Variants in ZCCHC7 observed in about 807,000 individuals in gnomAD.
ZCCHC7 encodes the protein zinc finger CCHC domain-containing protein 7.
ZCCHC7 carries 35 observed loss-of-function variants against 52.0 expected under a neutral mutation model. That is an observed-to-expected ratio of 0.67 (90% CI 0.51 to 0.89). The LOEUF is 0.89. Ranked by LOEUF, ZCCHC7 falls within the 40% of genes least tolerant of loss-of-function variation. The pLI is 0.00. For missense variants in ZCCHC7, 574 were observed against 649.1 expected (o/e 0.88, Z 1.26); for synonymous variants, 217 against 221.5 (o/e 0.98, Z 0.18).
intron 7 of ZCCHC7, among the ~76,000 whole-genome samples, chr9:37,352,511 C>CTTTTTTTTTTTTTTTTTTTTTTTTTTT (rs869266535): frequency 9.8e-5 from 8 of 81,576 alleles, no homozygotes; most frequent in African/African-American, 4.5e-4. Flanking sequence ...ACAATTTGCT[C>CTTTTTTTTTTTTTTTTTTTTTTTTTTT]TTTTTTTTTT....
intron 2 of ZCCHC7, among the ~76,000 whole-genome samples, chr9:37,276,064 C>T (rs545148098): frequency 6.6e-6 from 1 of 152,260 alleles, no homozygotes; most frequent in Admixed American, 6.5e-5. Flanking sequence ...ATTCTTAATT[C>T]TGTTTTGGTA....
At chr9:37,327,713 C>G in intron 5 of ZCCHC7, 86 bp from the exon 6 acceptor site, 1 of 1,420,782 alleles carries the variant, frequency 7.0e-7, no homozygotes, top group Non-Finnish European at 9.9e-7. Flanking sequence ...TGACCGACAC[C>G]GGTGGATGCT....
rs138457663 is a variant in ZCCHC7, at chr9:37,126,785, G to A, written c.453G>A (p.Glu151=). The A allele has an allele frequency of 2.2e-4, 355 of 1,614,038 alleles. No individual in the cohort carries two copies. The highest frequency in any genetic ancestry group is 2.6e-4 in the Non-Finnish European group (311 of 1,180,022). ...AAGAGAGATCAGGTGTAATCCGAGAGGTCATGATTATAGAGGTCAGTTCAA... is the reference window on the plus strand; with the variant it reads ...AAGAGAGATCAGGTGTAATCCGAGAAGTCATGATTATAGAGGTCAGTTCAA... ...KSEERSGVIR[E]VMIIEVSSSE... The change falls in exon 2 of 9, where the codon GAG becomes GAA. Residue 151 remains glutamate, a synonymous_variant. Transcript: ENST00000336755.
intron 7 of ZCCHC7, among the ~76,000 whole-genome samples, chr9:37,350,547 A>T (rs1459878772): frequency 6.6e-6 from 1 of 152,248 alleles, no homozygotes; most frequent in Non-Finnish European, 1.5e-5. Flanking sequence ...ATGCTGCATC[A>T]TTGACTTGCT....
intron 2 of ZCCHC7, among the ~76,000 whole-genome samples, chr9:37,225,561 T>C (rs1258268449): frequency 6.6e-6 from 1 of 152,090 alleles, no homozygotes; most frequent in Admixed American, 6.6e-5. Context: ...AGGAAATGAA[T>C]TATGTAATAT....
chr9:37,139,020 A>G (rs1188416262), intron 2 of ZCCHC7, among the ~76,000 whole-genome samples: 3 of 151,978 alleles, frequency 2.0e-5, no homozygotes, highest in Non-Finnish European at 4.4e-5. Context: ...CCCTTCTTAG[A>G]GTAGAGGCTG....
chr9:37,235,787 A>G (rs1260660845), intron 2 of ZCCHC7, among the ~76,000 whole-genome samples: 2 of 151,250 alleles, frequency 1.3e-5, no homozygotes, highest in Non-Finnish European at 3.0e-5. Context: ...ACAGGGTTTT[A>G]CCATGTTGGC....
At chr9:37,253,717 T>C (rs1248318805) in intron 2 of ZCCHC7, among the ~76,000 whole-genome samples, 1 of 152,002 alleles carries the variant, frequency 6.6e-6, no homozygotes, top group Non-Finnish European at 1.5e-5. Context: ...GAATGGTACA[T>C]ATTTAGTAGT....
At chr9:37,185,560 G>T (rs1822607809) in intron 2 of ZCCHC7, among the ~76,000 whole-genome samples, 1 of 152,210 alleles carries the variant, frequency 6.6e-6, no homozygotes, top group African/African-American at 2.4e-5. Context: ...CTGTTGGCAA[G>T]CTTGGTTCCT....
chr9:37,234,956 T>G (rs141530178), intron 2 of ZCCHC7, among the ~76,000 whole-genome samples: 220 of 152,344 alleles, frequency 1.4e-3, no homozygotes, highest in African/African-American at 4.4e-3. Context: ...TTTATTTGAT[T>G]ATGTACAATA....
chr9:37,300,579 A>C (rs1564237804), intron 2 of ZCCHC7, among the ~76,000 whole-genome samples: 1 of 152,224 alleles, frequency 6.6e-6, no homozygotes, highest in Non-Finnish European at 1.5e-5. Context: ...TTCTTAGAAA[A>C]GTTTTTTATT....
intron 2 of ZCCHC7, among the ~76,000 whole-genome samples, chr9:37,170,737 T>C (rs1352280880): frequency 2.6e-5 from 4 of 152,218 alleles, no homozygotes; most frequent in African/African-American, 9.7e-5. Flanking sequence ...TCTACTCTAA[T>C]GACACAATTT....
chr9:37,252,918 C>T (rs1826399292), intron 2 of ZCCHC7, among the ~76,000 whole-genome samples: 1 of 152,042 alleles, frequency 6.6e-6, no homozygotes, highest in Admixed American at 6.5e-5. Flanking sequence ...TTCTGAGACC[C>T]CCACTTAATA....
intron 2 of ZCCHC7, among the ~76,000 whole-genome samples, chr9:37,225,504 C>G (rs1353746494): frequency 2.0e-5 from 3 of 151,992 alleles, no homozygotes; most frequent in African/African-American, 7.3e-5. Flanking sequence ...AGCTACAGAT[C>G]TAGATCCTTC....
rs1170211125 is a variant in ZCCHC7 at position 37,349,460 on chromosome 9, T to G, written c.1083+8T>G. The G allele has an allele frequency of 6.2e-7, 1 of 1,613,082 alleles. No homozygotes were observed. Among genetic ancestry groups the G allele is most frequent in the Non-Finnish European group, 8.5e-7 (1 of 1,179,370 alleles). ...AAAGGCCATTATGGACACGTAAGTT[T>G]GAGTGACATTTGGGCATGAAGCATT... On this transcript the variant is annotated splice_region_variant and intron_variant, in intron 7 of 8. Transcript: ENST00000336755.
intron 2 of ZCCHC7, among the ~76,000 whole-genome samples, chr9:37,234,151 C>T (rs543863709): frequency 2.0e-5 from 3 of 152,256 alleles, no homozygotes; most frequent in Admixed American, 2.0e-4. Flanking sequence ...TTACAGGCAT[C>T]AGCCACCACG....
chr9:37,345,447 G>T (rs192286054), intron 6 of ZCCHC7, among the ~76,000 whole-genome samples: 149 of 152,346 alleles, frequency 9.8e-4, no homozygotes, highest in Non-Finnish European at 1.9e-3. Context: ...CTCTGTTTAG[G>T]CTGGGTGTGG....
intron 2 of ZCCHC7, among the ~76,000 whole-genome samples, chr9:37,128,791 AC>A: frequency 6.6e-6 from 1 of 152,314 alleles, no homozygotes; most frequent in East Asian, 1.9e-4. Flanking sequence ...CTTGTAGTGA[AC>A]TCACTTTGAA....
intron 2 of ZCCHC7, among the ~76,000 whole-genome samples, chr9:37,190,417 A>G (rs1009393018): frequency 2.0e-5 from 3 of 152,176 alleles, no homozygotes; most frequent in African/African-American, 7.2e-5. Flanking sequence ...CTGCTTCCAG[A>G]TTTCAGCTGC....
Sources: allele counts gnomAD v4.1 joint callset (sites outside exome capture counted in the v4.1 genomes callset), GRCh38; gene constraint gnomAD v4.1.1; transcripts MANE v1.5; gene names NCBI Gene and HGNC (gene_info 2026-07-23, HGNC 2026-07-21).